The following UNC5A variants were observed in gnomAD, a reference collection of about 807,000 sequenced individuals.
The protein encoded by UNC5A is unc-5 netrin receptor A, also known as netrin receptor UNC5A.
A neutral mutation model predicts 87.4 loss-of-function variants in UNC5A; 20 were observed. The ratio of observed to expected loss-of-function variants is 0.23; its 90% confidence interval spans 0.16 to 0.33. The LOEUF is 0.33. Ranked by LOEUF, UNC5A falls within the 10% of genes least tolerant of loss-of-function variation. The pLI, the probability that UNC5A is intolerant of heterozygous loss-of-function variation, is 1.00. For synonymous variants in UNC5A, 438 were observed against 482.3 expected (o/e 0.91, Z 1.20); for missense variants, 844 against 1,133.4 (o/e 0.74, Z 3.67).
At chr5:176,826,928 C>T (rs1045650293) in intron 1 of UNC5A, among the ~76,000 whole-genome samples, 1 of 152,062 alleles carries the variant, frequency 6.6e-6, no homozygotes, top group East Asian at 1.9e-4. Context: ...CGTGAGCCAC[C>T]GCGCCCGGCC....
chr5:176,821,421 G>A (rs1484889481), intron 1 of UNC5A, among the ~76,000 whole-genome samples: 1 of 152,146 alleles, frequency 6.6e-6, no homozygotes, highest in Non-Finnish European at 1.5e-5. Context: ...TTGGTCTCAA[G>A]ACCTCTTTCC....
intron 1 of UNC5A, among the ~76,000 whole-genome samples, chr5:176,833,240 A>C (rs1757068282): frequency 6.6e-6 from 1 of 152,098 alleles, no homozygotes; most frequent in Non-Finnish European, 1.5e-5. Context: ...CATACAAGTG[A>C]TTTAGTCGCC....
chr5:176,869,470 CCTCCCCCAGGCCTTCT>C lies in UNC5A; in HGVS notation c.721+512_721+527del, dbSNP rs1163983251. ...CGGGGGCCAGCAGGCACGAGCATGG[CCTCCCCCAGGCCTTCT>C]CTCCCAGCTCAGCCACAGCCCACCC... is the stretch of plus-strand genomic sequence containing the variant. On this transcript the variant is annotated intron_variant, in intron 5 of 14. Coordinates refer to ENST00000329542, the MANE Select transcript of UNC5A (RefSeq NM_133369.3). The surrounding 1 kb of genome is among the most constrained non-coding windows in gnomAD (Gnocchi z 9.1). 1.7e-6 allele frequency: 1 copy of C among 582,262 alleles called. No homozygotes were observed. The highest frequency in any genetic ancestry group is 3.1e-6 in the Non-Finnish European group (1 of 325,062). The allele number at this position is 582,262 out of a possible 1,614,324, so 36.1% of individuals were successfully genotyped here.
At chr5:176,835,753 G>GTGTGTA (rs61318914) in intron 1 of UNC5A, among the ~76,000 whole-genome samples, 1,817 of 151,610 alleles carry the variant, frequency 0.012, 100 homozygotes, top group African/African-American at 0.039. Flanking sequence ...GTGTGTGTGT[G>GTGTGTA]TGTGTGTGTC....
chr5:176,869,145 G>A lies in UNC5A; in HGVS notation c.721+181G>A, dbSNP rs1425063023. Among the ~76,000 whole-genome samples the A allele has an allele frequency of 2.0e-5, 3 of 152,194 alleles. No homozygotes were observed. The highest frequency in any genetic ancestry group is 1.3e-4 in the Admixed American group (2 of 15,286). ...GCTGGGGGCCCAGGGGCATGTCTGGGCAAAGGAGTGGGACAGATTGGAGGT... is the reference window on the plus strand; with the variant it reads ...GCTGGGGGCCCAGGGGCATGTCTGGACAAAGGAGTGGGACAGATTGGAGGT... On this transcript the variant is annotated intron_variant, in intron 5 of 14. Transcript: ENST00000329542. The surrounding 1 kb of genome is among the most constrained non-coding windows in gnomAD (Gnocchi z 9.1).
chr5:176,853,415 C>T (rs1004500999), intron 1 of UNC5A, among the ~76,000 whole-genome samples: 3 of 152,136 alleles, frequency 2.0e-5, no homozygotes, highest in East Asian at 1.9e-4. Context: ...GTGCCGCCCC[C>T]GCCCTGCCCC....
chr5:176,842,867 T>G (rs576971442), intron 1 of UNC5A, among the ~76,000 whole-genome samples: 2 of 152,276 alleles, frequency 1.3e-5, no homozygotes, highest in Admixed American at 1.3e-4. Context: ...TTTTATTTTT[T>G]TTTTACAAAA....
At chr5:176,847,454 A>C (rs377241833) in intron 1 of UNC5A, among the ~76,000 whole-genome samples, 91 of 152,270 alleles carry the variant, frequency 6.0e-4, no homozygotes, top group African/African-American at 2.1e-3. Context: ...TCCTCAATTC[A>C]TTAAGACCTG....
chr5:176,865,545 C>T lies in UNC5A; in HGVS notation c.293-2585C>T. ...TCTGCCCCGAGCATCCGACTCCAGC[C>T]TCCCATGGCCGGAACATCTGAACGT... On this transcript the variant is annotated intron_variant, in intron 2 of 14. Transcript: ENST00000329542. The surrounding 1 kb of genome is among the most constrained non-coding windows in gnomAD (Gnocchi z 5.3). 2.2e-6 allele frequency: 1 copy of T among 455,304 alleles called. No homozygotes were observed. The highest frequency in any genetic ancestry group is 1.6e-5 in the South Asian group (1 of 64,506). The allele number at this position is 455,304 out of a possible 1,614,324, so 28.2% of individuals were successfully genotyped here. A position where few individuals can be genotyped will look rare whatever the true frequency, so the allele number is the denominator to read the frequency against.
chr5:176,829,777 T>A (rs1017560983), intron 1 of UNC5A, among the ~76,000 whole-genome samples: 1 of 152,048 alleles, frequency 6.6e-6, no homozygotes, highest in Non-Finnish European at 1.5e-5. Context: ...GCAGGCCACC[T>A]TGGGTGTGCC....
At chr5:176,868,431 C>T in intron 3 of UNC5A, 130 bp from the exon 4 acceptor site, 2 of 1,432,900 alleles carry the variant, frequency 1.4e-6, no homozygotes, top group Non-Finnish European at 1.9e-6. Flanking sequence ...CCCAGCCACC[C>T]CATGGCCCCC....
chr5:176,870,288 C>G, intron 5 of UNC5A, 82 bp from the exon 6 acceptor site: 3 of 1,543,290 alleles, frequency 1.9e-6, no homozygotes, highest in Non-Finnish European at 2.6e-6. Context: ...GTCTGGTTGC[C>G]CAGAGGGGCC....
intron 1 of UNC5A, among the ~76,000 whole-genome samples, chr5:176,818,410 C>T (rs1289873727): frequency 6.6e-6 from 1 of 152,236 alleles, no homozygotes; most frequent in Non-Finnish European, 1.5e-5. Context: ...GAGGAGAGAC[C>T]GTGTGGCGGG....
rs1757358857 is a variant in UNC5A, at chr5:176,844,652, G to A, written c.71-17972G>A. On this transcript the variant is annotated intron_variant, in intron 1 of 14. Transcript: ENST00000329542. The surrounding 1 kb of genome is among the most constrained non-coding windows in gnomAD (Gnocchi z 4.2). The stretch of plus-strand genomic sequence containing the variant: ...CAGGAGGTGGGAAACCATTGTTTCT[G>A]TGCAACTTCCTAGTCTTTAAATGCT... 6.6e-6 allele frequency among the ~76,000 whole-genome samples: 1 copy of A among 152,216 alleles called. No individual in the cohort carries two copies. The highest frequency in any genetic ancestry group is 1.5e-5 in the Non-Finnish European group (1 of 68,040).
At position 176,841,302 on chromosome 5, in the gene UNC5A, G is replaced by T. The variant is rs931510037; in HGVS notation, c.71-21322G>T. ...GCTGTGCCAGAGTGAGCCAGCCAGAGGTGAAGCGGGGACTCAGACTCAGCT... is the reference window on the plus strand; with the variant it reads ...GCTGTGCCAGAGTGAGCCAGCCAGATGTGAAGCGGGGACTCAGACTCAGCT... On this transcript the variant is annotated intron_variant, in intron 1 of 14. Coordinates refer to ENST00000329542, the MANE Select transcript of UNC5A (RefSeq NM_133369.3). The surrounding 1 kb of genome is among the most constrained non-coding windows in gnomAD (Gnocchi z 4.1). Among the ~76,000 whole-genome samples, 11 of 152,168 alleles carry T rather than the reference G, an allele frequency of 7.2e-5. No individual in the cohort carries two copies. The highest frequency in any genetic ancestry group is 1.3e-4 in the Non-Finnish European group (9 of 68,040).
intron 1 of UNC5A, among the ~76,000 whole-genome samples, chr5:176,835,274 G>C (rs796534322): frequency 1.5e-4 from 23 of 152,350 alleles, no homozygotes; most frequent in African/African-American, 5.0e-4. Context: ...CTTCCTGCAG[G>C]CTCGGAAAGC....
intron 13 of UNC5A, 104 bp downstream of exon 13, chr5:176,878,743 C>G: frequency 6.9e-7 from 1 of 1,441,752 alleles, no homozygotes; most frequent in Non-Finnish European, 9.4e-7. Flanking sequence ...CCCACTCTCC[C>G]TCCCGCCTGT....
intron 1 of UNC5A, among the ~76,000 whole-genome samples, chr5:176,820,327 G>T (rs368337309): frequency 1.3e-5 from 2 of 152,188 alleles, no homozygotes; most frequent in African/African-American, 4.8e-5. Context: ...AACCTGGGAG[G>T]TGGAGCTTGC....
At chr5:176,832,923 T>G (rs1757062975) in intron 1 of UNC5A, among the ~76,000 whole-genome samples, 1 of 152,104 alleles carries the variant, frequency 6.6e-6, no homozygotes, top group Admixed American at 6.5e-5. Flanking sequence ...GGGACAGAAC[T>G]GGATGGCCAG....
Sources: allele counts gnomAD v4.1 joint callset (sites outside exome capture counted in the v4.1 genomes callset), GRCh38; gene constraint gnomAD v4.1.1; non-coding constraint Gnocchi (gnomAD v3.1); transcripts MANE v1.5; gene names NCBI Gene and HGNC (gene_info 2026-07-23, HGNC 2026-07-21).